Variants in STAC observed in about 807,000 individuals in gnomAD.
The protein encoded by STAC is SH3 and cysteine rich domain, also known as SH3 and cysteine-rich domain-containing protein.
Under a neutral mutation model 48.8 loss-of-function variants are expected in STAC, and 43 were observed. The ratio of observed to expected loss-of-function variants is 0.88; its 90% CI spans 0.69 to 1.14. The LOEUF is 1.14. Ranked by LOEUF, STAC falls within the 50% of genes most tolerant of loss-of-function variation. STAC has a pLI of 0.00. For missense variants in STAC, 497 were observed against 504.0 expected, an observed-to-expected ratio of 0.99 and a Z score of 0.13; for synonymous variants, 193 against 179.5, an observed-to-expected ratio of 1.07 and a Z score of -0.60.
chr3:36,437,437 T>C (rs1209544740), intron 1 of STAC, among the ~76,000 whole-genome samples: 2 of 151,840 alleles, frequency 1.3e-5, no homozygotes, highest in African/African-American at 2.4e-5. Context: ...CATGGAATAC[T>C]ATGCAGCCAT....
chr3:36,451,190 C>T (rs1332005321), intron 2 of STAC, among the ~76,000 whole-genome samples: 2 of 152,080 alleles, frequency 1.3e-5, no homozygotes, highest in African/African-American at 4.8e-5. Context: ...AATAGCTTCT[C>T]ATCTTTCGGC....
intron 1 of STAC, among the ~76,000 whole-genome samples, chr3:36,385,536 T>C (rs1319485267): frequency 6.6e-6 from 1 of 151,558 alleles, no homozygotes; most frequent in African/African-American, 2.4e-5. Context: ...TCCCCAAAAC[T>C]GCACATATTA....
Position 36,546,757 on chromosome 3 carries a change from G to A in STAC, c.*468G>A, listed in dbSNP as rs932040513. On this transcript the variant is annotated 3_prime_UTR_variant, in exon 11 of 11. Coordinates refer to ENST00000273183, the MANE Select transcript of STAC (RefSeq NM_003149.3). ...ACATTTCAGGCCCCAAGCAATCTCT[G>A]TGCAAAGCATCAGAAAGACCTGCTT... 1 of 160,514 alleles carries A rather than the reference G, an allele frequency of 6.2e-6. No individual in the cohort carries two copies. The highest frequency in any genetic ancestry group is 1.4e-5 in the Non-Finnish European group (1 of 73,374). 9.9% of individuals were successfully genotyped at this position (160,514 alleles called of 1,614,324 possible).
intron 6 of STAC, among the ~76,000 whole-genome samples, chr3:36,496,214 T>G (rs1456531142): frequency 6.6e-6 from 1 of 152,218 alleles, no homozygotes; most frequent in Admixed American, 6.5e-5. Context: ...CAGCAATAGC[T>G]TTCTCTACAA....
At chr3:36,384,589 G>C (rs1158056772) in intron 1 of STAC, among the ~76,000 whole-genome samples, 2 of 152,096 alleles carry the variant, frequency 1.3e-5, no homozygotes, top group African/African-American at 4.8e-5. Flanking sequence ...AACCACAACT[G>C]ACATTACCAT....
In STAC at chr3:36,520,425, C is replaced by T. The variant is rs1484261671; in HGVS notation, c.921-8271C>T. ...ACTCAAAAACCAGAACAGAGGTTTC[C>T]CGATTCTGTCAATGCTCTGTGCACA... On this transcript the variant is annotated intron_variant, in intron 8 of 10. Coordinates refer to ENST00000273183, the MANE Select transcript of STAC (RefSeq NM_003149.3). 3.3e-5 allele frequency among the ~76,000 whole-genome samples: 5 copies of T among 152,086 alleles called. No individual in the cohort carries two copies. In the East Asian group the frequency reaches 7.7e-4, roughly 23 times the overall value.
At position 36,546,447 on chromosome 3, in the gene STAC, C is replaced by A; in HGVS notation, c.*158C>A. On this transcript the variant is annotated 3_prime_UTR_variant, in exon 11 of 11. Transcript: ENST00000273183. The stretch of plus-strand genomic sequence containing the variant: ...ATCTGAGACTGTGGAGTAATAGCCA[C>A]AAAACAGAGGGCCCACTGCACAGCA... 1 of 641,324 alleles carries A rather than the reference C, an allele frequency of 1.6e-6. No individual in the cohort carries two copies. The highest frequency in any genetic ancestry group is 2.0e-5 in the South Asian group (1 of 51,004). The allele number at this position is 641,324 out of a possible 1,614,324, so 39.7% of individuals were successfully genotyped here.
chr3:36,537,070 G>T (rs1445471107), intron 10 of STAC, among the ~76,000 whole-genome samples: 1 of 152,160 alleles, frequency 6.6e-6, no homozygotes, highest in African/African-American at 2.4e-5. Context: ...AGGCTGTGGA[G>T]AAATAGGAAT....
chr3:36,539,862 AGAATAACAACTCCCCAAAGATGCCC>A (rs1203861743), intron 10 of STAC, among the ~76,000 whole-genome samples: 17 of 152,192 alleles, frequency 1.1e-4, no homozygotes, highest in Non-Finnish European at 2.1e-4. Context: ...TGTGGTAGGC[AGAATAACAACTCCCCAAAGATGCCC>A]GGGTCCTAAC....
chr3:36,537,621 T>G (rs992423822), intron 10 of STAC, among the ~76,000 whole-genome samples: 1 of 152,078 alleles, frequency 6.6e-6, no homozygotes, highest in Non-Finnish European at 1.5e-5. Context: ...ACCTAGGTGA[T>G]GGGTTGATAG....
chr3:36,539,584 CAG>C (rs1207550546), intron 10 of STAC, among the ~76,000 whole-genome samples: 1 of 152,012 alleles, frequency 6.6e-6, no homozygotes, highest in Non-Finnish European at 1.5e-5. Context: ...ATATGTACCC[CAG>C]ATTTGGGGTA....
chr3:36,484,483 A>T (rs1416429352), intron 3 of STAC, among the ~76,000 whole-genome samples: 1 of 152,212 alleles, frequency 6.6e-6, no homozygotes, highest in African/African-American at 2.4e-5. Context: ...AGGTCAGAAA[A>T]ACAGAGAATA....
chr3:36,532,310 T>G (rs974087172), intron 10 of STAC, among the ~76,000 whole-genome samples: 1 of 152,238 alleles, frequency 6.6e-6, no homozygotes, highest in Non-Finnish European at 1.5e-5. Context: ...ATTGACATAC[T>G]TCCCTTTTAT....
intron 5 of STAC, 60 bp from the exon 6 acceptor site, chr3:36,493,091 T>C: frequency 6.6e-7 from 1 of 1,520,114 alleles, no homozygotes; most frequent in Non-Finnish European, 9.1e-7. Context: ...CCAAAGTATC[T>C]GCTCAATTGA....
intron 1 of STAC, among the ~76,000 whole-genome samples, chr3:36,388,042 C>CTCATGTTTAGTGATGTAGA (rs1411436978): frequency 6.6e-6 from 1 of 152,026 alleles, no homozygotes; most frequent in African/African-American, 2.4e-5. Flanking sequence ...AAGATGGTAT[C>CTCATGTTTAGTGATGTAGA]TCATGTTTAG....
At position 36,380,635 on chromosome 3, in the gene STAC, G is replaced by A. The variant is rs747869943; in HGVS notation, c.-9G>A. The A allele has an allele frequency of 1.3e-6, 2 of 1,577,028 alleles. No individual in the cohort carries two copies. Among genetic ancestry groups the A allele is most frequent in the Non-Finnish European group, 1.7e-6 (2 of 1,160,386 alleles). Reference sequence around the variant, plus strand: ...TCCGGGAGCCCAACACCGTTCCCGCGCGGCCACGATGATCCCTCCGAGCAG... The same window carrying A: ...TCCGGGAGCCCAACACCGTTCCCGCACGGCCACGATGATCCCTCCGAGCAG... On this transcript the variant is annotated 5_prime_UTR_variant, in exon 1 of 11. Coordinates refer to ENST00000273183, the MANE Select transcript of STAC (RefSeq NM_003149.3).
chr3:36,425,769 T>C (rs997988230), intron 1 of STAC, among the ~76,000 whole-genome samples: 1 of 152,218 alleles, frequency 6.6e-6, no homozygotes, highest in African/African-American at 2.4e-5. Context: ...CTCATCCCTG[T>C]AATCCCAGCA....
At chr3:36,510,485 C>T (rs1698509282) in intron 8 of STAC, among the ~76,000 whole-genome samples, 1 of 152,134 alleles carries the variant, frequency 6.6e-6, no homozygotes, top group South Asian at 2.1e-4. Context: ...GTAAATCATT[C>T]TACTATAAAG....
At chr3:36,476,163 G>A (rs936507814) in intron 2 of STAC, among the ~76,000 whole-genome samples, 18 of 152,232 alleles carry the variant, frequency 1.2e-4, no homozygotes, top group African/African-American at 4.3e-4. Context: ...AATCTTTCCT[G>A]ATGGACAGTG....
Sources: allele counts gnomAD v4.1 joint callset (sites outside exome capture counted in the v4.1 genomes callset), GRCh38; gene constraint gnomAD v4.1.1; transcripts MANE v1.5; gene names NCBI Gene and HGNC (gene_info 2026-07-23, HGNC 2026-07-21).